HECTD4: variants seen among roughly 807,000 people sequenced by gnomAD.
The protein encoded by HECTD4 is probable E3 ubiquitin-protein ligase HECTD4.
In HECTD4, 114 loss-of-function variants were observed where a neutral mutation model predicts 471.5. The observed-to-expected ratio is 0.24, with a 90% CI of 0.21 to 0.28. HECTD4 has a LOEUF of 0.28. HECTD4 is among the 10% of genes least tolerant of loss of function. The pLI is 1.00. For synonymous variants in HECTD4, 2,012 were observed against 2,256.0 expected, an observed-to-expected ratio of 0.89 and a Z score of 3.07; for missense variants, 3,866 against 5,651.5, an observed-to-expected ratio of 0.68 and a Z score of 10.13.
chr12:112,192,626 G>A lies in HECTD4; in HGVS notation c.9226C>T (p.Pro3076Ser). Reference sequence around the variant, plus strand: ...GGGTACTGGTCAGCGGTGGGGGGAGGTGCAAGCCCAGTGTTGGCTGGGGAC... The same window carrying A: ...GGGTACTGGTCAGCGGTGGGGGGAGATGCAAGCCCAGTGTTGGCTGGGGAC... Reference protein sequence around the residue: ...DASPANTGLAPPPTADQYPSV... With the variant: ...DASPANTGLASPPTADQYPSV... Residue 3076 changes from proline to serine, a missense_variant, in exon 59 of 76, where the codon CCT becomes TCT. Physicochemically the swap from Pro to Ser is moderately conservative, Grantham distance 74 (BLOSUM62 -1). This residue lies in a region of HECTD4 where 364 missense variants were observed against 413.2 expected (regional missense o/e 0.88). Transcript: ENST00000682272. 1 of 1,609,836 alleles carries A rather than the reference G, an allele frequency of 6.2e-7. No homozygotes were observed. Among genetic ancestry groups the A allele is most frequent in the Non-Finnish European group, 8.5e-7 (1 of 1,178,484 alleles).
At chr12:112,317,758 T>G (rs1281543461) in intron 2 of HECTD4, among the ~76,000 whole-genome samples, 1 of 151,704 alleles carries the variant, frequency 6.6e-6, no homozygotes. Context: ...GCCGGCAGAT[T>G]GCTTCAGCTC....
At chr12:112,277,198 A>G (rs1021146853) in intron 9 of HECTD4, among the ~76,000 whole-genome samples, 1 of 152,250 alleles carries the variant, frequency 6.6e-6, no homozygotes, top group Non-Finnish European at 1.5e-5. Context: ...TCAACTTATG[A>G]ATGGATAAAC....
chr12:112,243,492 C>G lies in HECTD4; in HGVS notation c.4819G>C (p.Ala1607Pro). Residue 1607 changes from alanine to proline, a missense_variant, in exon 32 of 76, where the codon GCA becomes CCA. By Grantham distance (27) the Ala-to-Pro change is conservative. Around this residue, in one of 16 missense-constraint regions of HECTD4, gnomAD observed 229 missense variants for 386.4 expected, o/e 0.59. Coordinates refer to ENST00000682272, the MANE Select transcript of HECTD4 (RefSeq NM_001388303.1). This position sits in a 1 kb window ranked among gnomAD's most constrained non-coding sequence, Gnocchi z 6.6. ...TTTCCCCGCCGCCACCTTGTCTGTG[C>G]AGCCAAAAGGAAACTGCTGCTGGAC... ...AVSSSSFLLA[A>P]QTRWRRGNTR... The G allele has an allele frequency of 6.2e-7, 1 of 1,605,826 alleles. No individual in the cohort carries two copies. The highest frequency in any genetic ancestry group is 8.5e-7 in the Non-Finnish European group (1 of 1,176,128).
chr12:112,174,134 C>T (rs563954929), intron 66 of HECTD4, among the ~76,000 whole-genome samples: 14 of 150,990 alleles, frequency 9.3e-5, no homozygotes, highest in African/African-American at 2.7e-4. Flanking sequence ...TGCGCCACCA[C>T]GCTCGGCTAA....
At chr12:112,191,302 G>A (rs1337731313) in intron 59 of HECTD4, among the ~76,000 whole-genome samples, 2 of 152,230 alleles carry the variant, frequency 1.3e-5, no homozygotes, top group Non-Finnish European at 1.5e-5. Flanking sequence ...ATGCCTCACT[G>A]GGATATTCCC....
In HECTD4 at chr12:112,294,045, A is replaced by G. The variant is rs59774381; in HGVS notation, c.1336-10743T>C. Among the ~76,000 whole-genome samples, 8,461 of 152,136 alleles carry G rather than the reference A, an allele frequency of 0.056. 1,289 individuals carry two copies. In the East Asian group the frequency reaches 0.61, roughly 11 times the overall value. On this transcript the variant is annotated intron_variant, in intron 7 of 75. Coordinates refer to ENST00000682272, the MANE Select transcript of HECTD4 (RefSeq NM_001388303.1). ...CCCCTAAGTAGCTGGGACTACAGTCATGCACCACCACACCTGGCTAATTTT... is the reference window on the plus strand; with the variant it reads ...CCCCTAAGTAGCTGGGACTACAGTCGTGCACCACCACACCTGGCTAATTTT...
rs1249435019 is a variant in HECTD4, at chr12:112,258,729, C to T, written c.3028-133G>A. 4.5e-6 allele frequency: 3 copies of T among 673,406 alleles called. No individual in the cohort carries two copies. The East Asian group carries it at 8.9e-5, about 20-fold the overall frequency. 41.7% of individuals were successfully genotyped at this position (673,406 alleles called of 1,614,324 possible). A position where few individuals can be genotyped will look rare whatever the true frequency, so the allele number is the denominator to read the frequency against. On this transcript the variant is annotated intron_variant, in intron 19 of 75. Transcript: ENST00000682272. ...GTCTGCTCTCCTTCATTAAGAAATGCTGTGCTACTTAGACCACTTAACATT... is the reference window on the plus strand; with the variant it reads ...GTCTGCTCTCCTTCATTAAGAAATGTTGTGCTACTTAGACCACTTAACATT...
chr12:112,295,205 C>G (rs1418039646), intron 7 of HECTD4, among the ~76,000 whole-genome samples: 1 of 151,132 alleles, frequency 6.6e-6, no homozygotes, highest in Non-Finnish European at 1.5e-5. Context: ...GCAGGGGAGA[C>G]GGTCAATAAA....
intron 1 of HECTD4, among the ~76,000 whole-genome samples, chr12:112,329,845 C>T (rs1388858026): frequency 2.0e-5 from 3 of 152,110 alleles, no homozygotes; most frequent in Non-Finnish European, 4.4e-5. Context: ...CAGTGGCTCA[C>T]GTCTGTAATC....
At chr12:112,340,473 G>C (rs1178986153) in intron 1 of HECTD4, among the ~76,000 whole-genome samples, 3 of 152,174 alleles carry the variant, frequency 2.0e-5, no homozygotes, top group Non-Finnish European at 4.4e-5. Context: ...GGGAGAAACT[G>C]TCTTCCAGGT....
intron 7 of HECTD4, among the ~76,000 whole-genome samples, chr12:112,295,920 C>G (rs753750009): frequency 1.8e-4 from 27 of 152,200 alleles, no homozygotes; most frequent in Non-Finnish European, 2.2e-4. Context: ...CCTTGGCCTC[C>G]CAAAGTGCTG....
chr12:112,183,746 G>A (rs1187493716), intron 61 of HECTD4, among the ~76,000 whole-genome samples: 1 of 152,192 alleles, frequency 6.6e-6, no homozygotes, highest in Non-Finnish European at 1.5e-5. Flanking sequence ...GGAATACATG[G>A]GATCCTGAAG....
chr12:112,219,443 C>T lies in HECTD4; in HGVS notation c.7017G>A (p.Met2339Ile). The T allele has an allele frequency of 6.2e-7, 1 of 1,613,882 alleles. No homozygotes were observed. Residue 2339 changes from methionine (M) to isoleucine (I), a missense_variant, in exon 45 of 76, where the codon ATG (methionine) becomes ATA (isoleucine). Transcript: ENST00000682272. ...GGGGCCGAGCACAGTCCCGGTAGAG[C>T]ATCCTCAGCCGTTCACACTGTACCT... ...VVEVQCERLR[M>I]LYRDCARPPP...
chr12:112,328,804 G>A (rs1438533802), intron 1 of HECTD4, among the ~76,000 whole-genome samples: 1 of 152,164 alleles, frequency 6.6e-6, no homozygotes, highest in South Asian at 2.1e-4. Context: ...AACTGAGAAC[G>A]AGGATATTAA....
intron 1 of HECTD4, among the ~76,000 whole-genome samples, chr12:112,343,837 G>T (rs2036096647): frequency 6.6e-6 from 1 of 152,164 alleles, no homozygotes; most frequent in Admixed American, 6.6e-5. Flanking sequence ...TAAATCACCT[G>T]TGAGGAAGTT....
At chr12:112,216,206 C>CT in intron 48 of HECTD4, 86 bp downstream of exon 48, 1 of 882,886 alleles carries the variant, frequency 1.1e-6, no homozygotes, top group Admixed American at 2.3e-5. Context: ...TTTCCAATTG[C>CT]TAAATTTATT....
chr12:112,291,930 A>G (rs2034897116), intron 7 of HECTD4, among the ~76,000 whole-genome samples: 1 of 152,212 alleles, frequency 6.6e-6, no homozygotes, highest in African/African-American at 2.4e-5. Context: ...TTCAGGAACC[A>G]AACAAGATGC....
intron 34 of HECTD4, 75 bp downstream of exon 34, chr12:112,238,977 A>G (rs1017316494): frequency 2.2e-6 from 3 of 1,376,430 alleles, no homozygotes; most frequent in Non-Finnish European, 3.0e-6. Flanking sequence ...TCTTTCATTT[A>G]GCATAAAAAA....
At chr12:112,283,077 G>C (rs769278126) in intron 8 of HECTD4, 33 bp downstream of exon 8, 7 of 1,574,174 alleles carry the variant, frequency 4.4e-6, no homozygotes, top group Admixed American at 3.5e-5. Flanking sequence ...AGCTATACAA[G>C]GAAACAGATC....
Sources: gnomAD v4.1 joint callset for allele counts (sites outside exome capture counted in the v4.1 genomes callset) on GRCh38, gnomAD v4.1.1 for gene constraint, gnomAD v4.1.1 regional missense constraint, Gnocchi (gnomAD v3.1) non-coding constraint, MANE v1.5 for transcripts, NCBI Gene and HGNC (gene_info 2026-07-23, HGNC 2026-07-21) for gene names.